Variants in CALN1 observed in about 807,000 individuals in gnomAD.
CALN1 encodes the protein calneuron 1, also known as calcium-binding protein 8.
Under a neutral mutation model 30.6 loss-of-function variants are expected in CALN1, and 17 were observed. The ratio of observed to expected loss-of-function variants is 0.56; its 90% CI spans 0.38 to 0.83. CALN1 has a LOEUF of 0.83. Among genes scored for constraint, CALN1 ranks in the 40% least tolerant of loss-of-function variants. The pLI is 0.00. For synonymous variants in CALN1, 156 were observed against 131.4 expected, an observed-to-expected ratio of 1.19 and a Z score of -1.28; for missense variants, 291 against 354.9, an observed-to-expected ratio of 0.82 and a Z score of 1.45.
At chr7:71,860,705 T>A (rs1172116810) in intron 5 of CALN1, among the ~76,000 whole-genome samples, 1 of 152,142 alleles carries the variant, frequency 6.6e-6, no homozygotes, top group Non-Finnish European at 1.5e-5. Flanking sequence ...CAGGTCAATG[T>A]CACATTGCAA....
chr7:71,975,358 T>C (rs1432158842), intron 5 of CALN1, among the ~76,000 whole-genome samples: 1 of 152,164 alleles, frequency 6.6e-6, no homozygotes, highest in Non-Finnish European at 1.5e-5. Flanking sequence ...CCTTGTTAAT[T>C]TTCCTGGCAC....
chr7:72,425,329 G>A (rs1205503597), intron 1 of CALN1, among the ~76,000 whole-genome samples: 1 of 152,130 alleles, frequency 6.6e-6, no homozygotes, highest in East Asian at 1.9e-4. Context: ...GGCCAGGCTG[G>A]TCTCAAACTC....
intron 2 of CALN1, among the ~76,000 whole-genome samples, chr7:72,315,577 T>C (rs1412996343): frequency 6.6e-6 from 1 of 151,892 alleles, no homozygotes; most frequent in African/African-American, 2.4e-5. Flanking sequence ...TGGTGGTGGA[T>C]GCCTGTAGTC....
upstream of CALN1, among the ~76,000 whole-genome samples, chr7:72,452,126 T>C (rs1332086501): frequency 6.6e-6 from 1 of 152,204 alleles, no homozygotes; most frequent in Non-Finnish European, 1.5e-5. Flanking sequence ...TGTCTGGTTA[T>C]GTTAGGTGTG....
At chr7:72,448,506 C>T (rs1401209652), upstream of CALN1, among the ~76,000 whole-genome samples, 1 of 152,132 alleles carries the variant, frequency 6.6e-6, no homozygotes, top group Non-Finnish European at 1.5e-5. Context: ...TTGGCTAAGA[C>T]CGCCACACCT....
At chr7:71,955,542 G>A (rs1181254501) in intron 5 of CALN1, among the ~76,000 whole-genome samples, 1 of 152,070 alleles carries the variant, frequency 6.6e-6, no homozygotes. Context: ...CAATGGCACA[G>A]CAGGGGTTCA....
intron 3 of CALN1, among the ~76,000 whole-genome samples, chr7:72,207,965 A>G (rs975356951): frequency 6.6e-6 from 1 of 152,228 alleles, no homozygotes; most frequent in African/African-American, 2.4e-5. Context: ...GTGAAACTCC[A>G]GTATAACAGA....
chr7:71,857,600 C>T (rs1422270897), intron 5 of CALN1, among the ~76,000 whole-genome samples: 1 of 152,176 alleles, frequency 6.6e-6, no homozygotes, highest in Non-Finnish European at 1.5e-5. Context: ...CTCTCCTCCC[C>T]CTGTTCTCTT....
chr7:72,358,957 C>G (rs56317859), intron 2 of CALN1, among the ~76,000 whole-genome samples: 6 of 142,482 alleles, frequency 4.2e-5, no homozygotes, highest in Admixed American at 2.7e-4. Context: ...AGGTGAGACT[C>G]TACCTCAAAA....
rs375386520 is a variant in CALN1 at position 72,176,737 on chromosome 7, T to C, written c.245-70443A>G. Among the ~76,000 whole-genome samples the C allele has an allele frequency of 3.3e-5, 5 of 152,250 alleles. No individual in the cohort carries two copies. The East Asian group carries it at 9.7e-4, about 29-fold the overall frequency. On this transcript the variant is annotated intron_variant, in intron 3 of 6. Coordinates refer to ENST00000395275, the MANE Select transcript of CALN1 (RefSeq NM_031468.4). ...GATGCAGGAACAGCCTACTACAGCA[T>C]AGGAAAGCCCAAAGTTCAATAGAGT...
At chr7:72,012,461 G>A (rs772365343) in intron 5 of CALN1, among the ~76,000 whole-genome samples, 3 of 152,162 alleles carry the variant, frequency 2.0e-5, no homozygotes, top group East Asian at 1.9e-4. Flanking sequence ...GCAGTGAGCC[G>A]AGGTCGTGCC....
chr7:72,251,930 A>G (rs1012951582), intron 3 of CALN1, among the ~76,000 whole-genome samples: 13 of 152,190 alleles, frequency 8.5e-5, no homozygotes, highest in Admixed American at 3.9e-4. Context: ...CACAATAGGA[A>G]GTTTAATTTT....
chr7:71,912,229 G>C (rs1794462098), intron 5 of CALN1, among the ~76,000 whole-genome samples: 1 of 152,040 alleles, frequency 6.6e-6, no homozygotes, highest in African/African-American at 2.4e-5. Flanking sequence ...GATTTCAGAA[G>C]ATCCTGACAA....
intron 4 of CALN1, among the ~76,000 whole-genome samples, chr7:72,029,337 A>G (rs1219242814): frequency 1.3e-5 from 2 of 152,012 alleles, no homozygotes; most frequent in South Asian, 2.1e-4. Context: ...AGATTAGCCA[A>G]TCTTCTGACC....
chr7:72,501,928 A>AAAAAAAAAATAT, the CALN1 span, among the ~76,000 whole-genome samples: 2 of 57,942 alleles, frequency 3.5e-5, no homozygotes, highest in African/African-American at 2.0e-4. Context: ...AAAAAAAAAA[A>AAAAAAAAAATAT]ATATATATAT....
intron 2 of CALN1, among the ~76,000 whole-genome samples, chr7:72,367,265 C>G (rs979908251): frequency 6.6e-5 from 10 of 151,794 alleles, no homozygotes; most frequent in African/African-American, 2.4e-4. Context: ...GGCAGGAGGA[C>G]TGCTTGAGGC....
At position 72,207,790 on chromosome 7, in the gene CALN1, C is replaced by T. The variant is rs1489789907; in HGVS notation, c.244+70896G>A. ...TATATATGACAGGTGGAACTCTGGG[C>T]GACTTTTATTTTTCTCTTATTATTC... is the stretch of plus-strand genomic sequence containing the variant. On this transcript the variant is annotated intron_variant, in intron 3 of 6. Transcript: ENST00000395275. Among the ~76,000 whole-genome samples, 5 of 152,098 alleles carry T rather than the reference C, an allele frequency of 3.3e-5. No homozygotes were observed. In the East Asian group the frequency reaches 5.8e-4, roughly 18 times the overall value.
intron 3 of CALN1, among the ~76,000 whole-genome samples, chr7:72,124,300 T>A (rs1362165161): frequency 6.6e-6 from 1 of 152,034 alleles, no homozygotes; most frequent in Non-Finnish European, 1.5e-5. Context: ...TTGGAAAAAA[T>A]TAAGTTACAA....
At chr7:71,801,347 G>A (rs1787286737) in intron 6 of CALN1, among the ~76,000 whole-genome samples, 1 of 151,782 alleles carries the variant, frequency 6.6e-6, no homozygotes, top group African/African-American at 2.4e-5. Flanking sequence ...TGAGTAGCTG[G>A]GACTACAGGT....
Sources: allele counts gnomAD v4.1 joint callset (sites outside exome capture counted in the v4.1 genomes callset), GRCh38; gene constraint gnomAD v4.1.1; transcripts MANE v1.5; gene names NCBI Gene and HGNC (gene_info 2026-07-23, HGNC 2026-07-21).